Variants in SGCZ observed in about 807,000 individuals in gnomAD.
The protein encoded by SGCZ is sarcoglycan zeta.
A neutral mutation model predicts 41.3 loss-of-function variants in SGCZ; 40 were observed. That is an observed-to-expected ratio of 0.97 (90% CI 0.75 to 1.26). SGCZ has a LOEUF of 1.26. Ranked by LOEUF, SGCZ falls within the 50% of genes most tolerant of loss-of-function variation. The pLI, the probability that SGCZ is intolerant of heterozygous loss-of-function variation, is 0.00. For synonymous variants in SGCZ, 206 were observed against 137.5 expected, an observed-to-expected ratio of 1.50 and a Z score of -3.49; for missense variants, 552 against 369.8, an observed-to-expected ratio of 1.49 and a Z score of -4.04.
At chr8:14,544,257 G>A (rs1456504740) in intron 2 of SGCZ, among the ~76,000 whole-genome samples, 1 of 152,076 alleles carries the variant, frequency 6.6e-6, no homozygotes, top group African/African-American at 2.4e-5. Context: ...ATCTTCATAA[G>A]CTGAGGATGT....
At chr8:14,202,780 C>T (rs1805496797) in intron 4 of SGCZ, among the ~76,000 whole-genome samples, 1 of 152,108 alleles carries the variant, frequency 6.6e-6, no homozygotes, top group South Asian at 2.1e-4. Context: ...TCTCCTGACA[C>T]ATTTTAAAAT....
intron 5 of SGCZ, among the ~76,000 whole-genome samples, chr8:14,151,231 C>A (rs1476570340): frequency 6.6e-6 from 1 of 152,042 alleles, no homozygotes. Context: ...ACTCCATTCT[C>A]CATGATGTAA....
intron 2 of SGCZ, among the ~76,000 whole-genome samples, chr8:14,521,942 C>A (rs1802803177): frequency 6.6e-6 from 1 of 152,040 alleles, no homozygotes; most frequent in Non-Finnish European, 1.5e-5. Context: ...CTCTATTACT[C>A]CTTTTCTGAG....
chr8:14,893,657 A>G (rs188418840), intron 1 of SGCZ, among the ~76,000 whole-genome samples: 1 of 152,316 alleles, frequency 6.6e-6, no homozygotes, highest in Admixed American at 6.5e-5. Context: ...GGGATTCAAT[A>G]CTGTGTCTCA....
At chr8:15,067,891 C>A (rs1353643442) in intron 1 of SGCZ, among the ~76,000 whole-genome samples, 1 of 152,062 alleles carries the variant, frequency 6.6e-6, no homozygotes, top group Non-Finnish European at 1.5e-5. Flanking sequence ...TATATAGGAA[C>A]ACATTAGACA....
intron 1 of SGCZ, among the ~76,000 whole-genome samples, chr8:14,831,569 G>C (rs1253921016): frequency 6.6e-6 from 1 of 151,626 alleles, no homozygotes; most frequent in Non-Finnish European, 1.5e-5. Context: ...ACTTCATTAA[G>C]TTTCTCCTAA....
chr8:14,855,292 C>T (rs999723579), intron 1 of SGCZ, among the ~76,000 whole-genome samples: 7 of 152,030 alleles, frequency 4.6e-5, no homozygotes, highest in South Asian at 4.1e-4. Flanking sequence ...TCAAGTGATC[C>T]GCCTGCTTTG....
At chr8:14,676,976 G>A (rs1311045847) in intron 1 of SGCZ, among the ~76,000 whole-genome samples, 7 of 150,558 alleles carry the variant, frequency 4.6e-5, no homozygotes, top group South Asian at 2.1e-4. Flanking sequence ...CAATAAGAAA[G>A]AAAAAAATAA....
At chr8:14,320,860 T>A (rs1238134311) in intron 3 of SGCZ, among the ~76,000 whole-genome samples, 2 of 152,070 alleles carry the variant, frequency 1.3e-5, no homozygotes, top group Non-Finnish European at 2.9e-5. Flanking sequence ...GCTGTTTAGT[T>A]CGTCTCAGAT....
chr8:14,332,302 G>T (rs778044393), intron 2 of SGCZ, among the ~76,000 whole-genome samples: 1 of 152,052 alleles, frequency 6.6e-6, no homozygotes, highest in Non-Finnish European at 1.5e-5. Context: ...TTAGTCGGGC[G>T]TGGTGGTGGG....
At chr8:14,706,223 G>A (rs1197323994) in intron 1 of SGCZ, among the ~76,000 whole-genome samples, 1 of 151,736 alleles carries the variant, frequency 6.6e-6, no homozygotes, top group Non-Finnish European at 1.5e-5. Context: ...AAAATTAGAT[G>A]AATCCACATC....
At chr8:14,491,041 G>T (rs180737181) in intron 2 of SGCZ, among the ~76,000 whole-genome samples, 113 of 152,172 alleles carry the variant, frequency 7.4e-4, no homozygotes, top group Middle Eastern at 6.8e-3. Flanking sequence ...CATTTATTTT[G>T]TTATGTTTCC....
intron 2 of SGCZ, among the ~76,000 whole-genome samples, chr8:14,508,993 A>G (rs1264056118): frequency 2.0e-5 from 3 of 152,198 alleles, no homozygotes; most frequent in Middle Eastern, 3.2e-3. Context: ...ACAAATTCAA[A>G]TATAAGGTTT....
chr8:14,962,823 G>T (rs1487284363), intron 1 of SGCZ, among the ~76,000 whole-genome samples: 1 of 152,168 alleles, frequency 6.6e-6, no homozygotes, highest in Non-Finnish European at 1.5e-5. Flanking sequence ...AAGATATGCA[G>T]AACAAGGGAG....
chr8:14,089,590 T>A lies in SGCZ; in HGVS notation c.*853A>T, dbSNP rs1000480820. Among the ~76,000 whole-genome samples the A allele has an allele frequency of 4.6e-5, 7 of 152,024 alleles. No homozygotes were observed. The highest frequency in any genetic ancestry group is 1.4e-4 in the African/African-American group (6 of 41,420). The stretch of plus-strand genomic sequence containing the variant: ...TAGCATGTGAATTTTTTAAAAATCA[T>A]CTATGGATTTAATACCATCAACATA... On this transcript the variant is annotated 3_prime_UTR_variant, in exon 8 of 8. Coordinates refer to ENST00000382080, the MANE Select transcript of SGCZ (RefSeq NM_139167.4).
At chr8:15,007,847 T>A (rs1403463094) in intron 1 of SGCZ, among the ~76,000 whole-genome samples, 1 of 152,212 alleles carries the variant, frequency 6.6e-6, no homozygotes, top group Non-Finnish European at 1.5e-5. Flanking sequence ...ATTTCAAACT[T>A]ACATATGAGA....
intron 2 of SGCZ, among the ~76,000 whole-genome samples, chr8:14,480,991 GTTTATA>G (rs1018107422): frequency 2.0e-5 from 3 of 151,974 alleles, no homozygotes; most frequent in African/African-American, 7.2e-5. Context: ...AATATTCACA[GTTTATA>G]TTTATCAATA....
At chr8:14,777,603 A>G (rs2252570) in intron 1 of SGCZ, among the ~76,000 whole-genome samples, 120,031 of 152,078 alleles carry the variant, frequency 0.79, 47,923 homozygotes, top group African/African-American at 0.91. Flanking sequence ...TTTGATAATT[A>G]CAATGTGATG....
At chr8:15,112,041 C>G (rs1360403042) in intron 1 of SGCZ, among the ~76,000 whole-genome samples, 1 of 152,222 alleles carries the variant, frequency 6.6e-6, no homozygotes, top group Non-Finnish European at 1.5e-5. Flanking sequence ...TCTGGTAACA[C>G]TATGAGCACT....
Sources: allele counts gnomAD v4.1 joint callset (sites outside exome capture counted in the v4.1 genomes callset), GRCh38; gene constraint gnomAD v4.1.1; transcripts MANE v1.5; gene names NCBI Gene and HGNC (gene_info 2026-07-23, HGNC 2026-07-21).